The following CPEB2 variants were observed in gnomAD, a reference collection of about 807,000 sequenced individuals.
CPEB2 encodes cytoplasmic polyadenylation element-binding protein 2.
Under a neutral mutation model 93.6 loss-of-function variants are expected in CPEB2, and 56 were observed. That is an observed-to-expected ratio of 0.60 (90% confidence interval 0.48 to 0.75). The LOEUF is 0.75. CPEB2 is among the 30% of genes least tolerant of loss of function. The pLI, the probability that CPEB2 is intolerant of heterozygous loss-of-function variation, is 0.00. For synonymous variants in CPEB2, 764 were observed against 586.3 expected, an observed-to-expected ratio of 1.30 and a Z score of -4.38; for missense variants, 1,579 against 1,395.1, an observed-to-expected ratio of 1.13 and a Z score of -2.10.
chr4:15,052,123 GGTTCTTGCTTATAACAA>G (rs1238407687), intron 6 of CPEB2, among the ~76,000 whole-genome samples: 2 of 151,184 alleles, frequency 1.3e-5, no homozygotes, highest in Non-Finnish European at 2.9e-5. Context: ...ACATACATTA[GGTTCTTGCTTATAACAA>G]GTTCTTGCTC....
At position 15,022,498 on chromosome 4, in the gene CPEB2, T is replaced by C. The variant is rs891383406; in HGVS notation, c.2125+5220T>C. Among the ~76,000 whole-genome samples, 10 of 152,120 alleles carry C rather than the reference T, an allele frequency of 6.6e-5. 1 individual carries two copies. The highest frequency in any genetic ancestry group is 2.4e-4 in the African/African-American group (10 of 41,438). ...ATCACATATATTAGATACATATCTA[T>C]GTATCTAATATATATATGCATTCAG... On this transcript the variant is annotated intron_variant, in intron 4 of 11. Coordinates refer to ENST00000538197, the MANE Select transcript of CPEB2 (RefSeq NM_001177382.2).
chr4:15,059,168 A>T lies in CPEB2; in HGVS notation c.2581-19A>T. ...ATAAGACATCAAGGGAGTAAGACCC[A>T]ATGTAATTTTCTTCATAGGTTCAAA... On this transcript the variant is annotated intron_variant, in intron 9 of 11. Coordinates refer to ENST00000538197, the MANE Select transcript of CPEB2 (RefSeq NM_001177382.2). 1 of 1,441,474 alleles carries T rather than the reference A, an allele frequency of 6.9e-7. No homozygotes were observed. Among genetic ancestry groups the T allele is most frequent in the East Asian group, 2.3e-5 (1 of 43,890 alleles). The allele number at this position is 1,441,474 out of a possible 1,614,324, so 89.3% of individuals were successfully genotyped here.
intron 5 of CPEB2, among the ~76,000 whole-genome samples, chr4:15,036,552 T>C (rs1726630383): frequency 6.6e-6 from 1 of 152,216 alleles, no homozygotes; most frequent in African/African-American, 2.4e-5. Context: ...CTGCCTTCCA[T>C]AGTAGTAAAG....
At chr4:15,016,356 T>C (rs1432392559) in intron 3 of CPEB2, among the ~76,000 whole-genome samples, 1 of 152,078 alleles carries the variant, frequency 6.6e-6, no homozygotes, top group African/African-American at 2.4e-5. Flanking sequence ...TGAGTATGTA[T>C]TGAACAGAAT....
chr4:15,005,566 T>A (rs769184499), intron 1 of CPEB2, among the ~76,000 whole-genome samples: 1 of 152,222 alleles, frequency 6.6e-6, no homozygotes, highest in Admixed American at 6.5e-5. Context: ...TCTGTTTAAG[T>A]CCATTTTCTA....
At position 15,003,342 on chromosome 4, in the gene CPEB2, G is replaced by A. The variant is rs939220227; in HGVS notation, c.669G>A (p.Gln223=). Residue 223 remains glutamine, a synonymous_variant, in exon 1 of 12, where the codon CAG becomes CAA. Transcript: ENST00000538197. ...PPAGPLLQPA[Q]LAQRQQQQPP... is the part of the protein sequence containing the mutation. ...CCGGCCCGCTCCTCCAGCCGGCGCA[G>A]CTCGCTCAGCGCCAGCAGCAACAGC... The A allele has an allele frequency of 2.1e-6, 3 of 1,397,592 alleles. No individual in the cohort carries two copies. In the African/African-American group the frequency reaches 4.6e-5, roughly 21 times the overall value. 86.6% of individuals were successfully genotyped at this position (1,397,592 alleles called of 1,614,324 possible). A position where few individuals can be genotyped will look rare whatever the true frequency, so the allele number is the denominator to read the frequency against.
At chr4:15,058,333 C>A (rs1305450721) in intron 8 of CPEB2, 88 bp from the exon 9 acceptor site, 134 of 599,602 alleles carry the variant, frequency 2.2e-4, no homozygotes, top group East Asian at 4.0e-4. Context: ...TTTTTTTTTT[C>A]AAAAGCATGT....
At chr4:15,018,826 A>G (rs1270121489) in intron 4 of CPEB2, among the ~76,000 whole-genome samples, 1 of 147,620 alleles carries the variant, frequency 6.8e-6, no homozygotes, top group Non-Finnish European at 1.5e-5. Flanking sequence ...TGGCACTGTT[A>G]ATTATCTCAG....
At chr4:15,047,627 T>A (rs920996909) in intron 6 of CPEB2, among the ~76,000 whole-genome samples, 2 of 152,110 alleles carry the variant, frequency 1.3e-5, no homozygotes, top group African/African-American at 4.8e-5. Context: ...TACAATTATT[T>A]CTACTAGTTT....
In CPEB2 at chr4:15,004,125, C is replaced by A. The variant is rs776402861; in HGVS notation, c.1452C>A (p.Gly484=). 6.6e-7 allele frequency: 1 copy of A among 1,514,234 alleles called. No homozygotes were observed. Among genetic ancestry groups the A allele is most frequent in the Admixed American group, 2.0e-5 (1 of 49,540 alleles). The allele number at this position is 1,514,234 out of a possible 1,614,324, so 93.8% of individuals were successfully genotyped here. ...TCAGCGTTCCGACGAGCGGCGGCGG[C>A]GGCGGCGGCTTCGGCGGCCCCTTCT... ...TGLSVPTSGG[G]GGGFGGPFSA... Residue 484 remains glycine (G), a synonymous_variant, in exon 1 of 12, where the codon GGC becomes GGA. Transcript: ENST00000538197.
At chr4:15,016,789 A>G (rs1187050489) in intron 3 of CPEB2, among the ~76,000 whole-genome samples, 1 of 151,940 alleles carries the variant, frequency 6.6e-6, no homozygotes, top group Non-Finnish European at 1.5e-5. Context: ...TTTCCTCCCA[A>G]ATATTTATTT....
chr4:15,056,664 G>C (rs901155161), intron 8 of CPEB2, among the ~76,000 whole-genome samples: 4 of 152,090 alleles, frequency 2.6e-5, no homozygotes, highest in African/African-American at 9.7e-5. Context: ...GGAAAACACT[G>C]GTATAGAAGC....
chr4:15,004,588 C>T (rs1245147930), intron 1 of CPEB2, among the ~76,000 whole-genome samples: 3 of 152,070 alleles, frequency 2.0e-5, no homozygotes, highest in Non-Finnish European at 4.4e-5. Context: ...CGCTGGGAGC[C>T]GCGGCTGGCC....
chr4:15,050,365 C>A (rs1398530876), intron 6 of CPEB2, among the ~76,000 whole-genome samples: 1 of 152,154 alleles, frequency 6.6e-6, no homozygotes, highest in Non-Finnish European at 1.5e-5. Flanking sequence ...TTGTTGTCCA[C>A]AAAACTGGTC....
At position 15,004,291 on chromosome 4, in the gene CPEB2, G is replaced by C. The variant is rs570391181; in HGVS notation, c.1618G>C (p.Ala540Pro). ...PQLQQQHQAA[A>P]AAFLQQRNSY... ...GCTCCAGCAGCAGCACCAGGCGGCGGCCGCCGCCTTCCTGCAGCAGAGGAA... is the reference window on the plus strand; with the variant it reads ...GCTCCAGCAGCAGCACCAGGCGGCGCCCGCCGCCTTCCTGCAGCAGAGGAA... The change falls in exon 1 of 12, where the codon GCC (alanine) becomes CCC (proline). Residue 540 changes from alanine (A) to proline (P), a missense_variant. Coordinates refer to ENST00000538197, the MANE Select transcript of CPEB2 (RefSeq NM_001177382.2). 31 of 1,491,628 alleles carry C rather than the reference G, an allele frequency of 2.1e-5. No homozygotes were observed. The African/African-American group carries it at 4.0e-4, about 19-fold the overall frequency. 92.4% of individuals were successfully genotyped at this position (1,491,628 alleles called of 1,614,324 possible). A position where few individuals can be genotyped will look rare whatever the true frequency, so the allele number is the denominator to read the frequency against.
rs116213576 is a variant in CPEB2, at chr4:15,055,465, A to G, written c.2461+1248A>G. ...CTTGCCATTTCATAAAGTTTACTTT[A>G]TAAATGCCATTTTTATTGAATACTC... On this transcript the variant is annotated intron_variant, in intron 8 of 11. Transcript: ENST00000538197. Among the ~76,000 whole-genome samples the G allele has an allele frequency of 5.8e-3, 883 of 152,294 alleles. 9 individuals carry two copies. Among genetic ancestry groups the G allele is most frequent in the African/African-American group, 0.019 (784 of 41,566 alleles).
intron 3 of CPEB2, among the ~76,000 whole-genome samples, chr4:15,016,068 A>G (rs1229515375): frequency 1.3e-5 from 2 of 151,962 alleles, no homozygotes; most frequent in African/African-American, 2.4e-5. Context: ...TCTTGAAGCT[A>G]ATGGACCCAG....
intron 3 of CPEB2, 36 bp from the exon 4 acceptor site, chr4:15,017,152 A>C (rs564916263): frequency 8.4e-7 from 1 of 1,193,790 alleles, no homozygotes; most frequent in African/African-American, 1.5e-5. Context: ...AAAAAACTGC[A>C]TAGATTATAA....
intron 9 of CPEB2, 21 bp from the exon 10 acceptor site, chr4:15,059,166 C>T: frequency 7.1e-7 from 1 of 1,416,536 alleles, no homozygotes; most frequent in Non-Finnish European, 9.9e-7. Flanking sequence ...GGAGTAAGAC[C>T]CAATGTAATT....
Sources: gnomAD v4.1 joint callset for allele counts (sites outside exome capture counted in the v4.1 genomes callset) on GRCh38, gnomAD v4.1.1 for gene constraint, MANE v1.5 for transcripts, NCBI Gene and HGNC (gene_info 2026-07-23, HGNC 2026-07-21) for gene names.